Variants in STK10 observed in about 807,000 individuals in gnomAD.
The protein encoded by STK10 is serine/threonine-protein kinase 10.
A neutral mutation model predicts 113.8 loss-of-function variants in STK10; 78 were observed. That is an observed-to-expected ratio of 0.69 (90% CI 0.57 to 0.83). The LOEUF (loss-of-function observed/expected upper bound fraction) is 0.83. STK10 is among the 40% of genes least tolerant of loss of function. STK10 has a pLI of 0.00. For synonymous variants in STK10, 465 were observed against 494.7 expected (o/e 0.94, Z 0.80); for missense variants, 1,109 against 1,280.1 (o/e 0.87, Z 2.04).
chr5:172,111,488 G>A (rs1769236505), intron 4 of STK10, among the ~76,000 whole-genome samples: 1 of 152,210 alleles, frequency 6.6e-6, no homozygotes, highest in Admixed American at 6.5e-5. Flanking sequence ...ACACGATGGG[G>A]CCCAGATGGG....
intron 1 of STK10, among the ~76,000 whole-genome samples, chr5:172,159,108 C>T (rs974411086): frequency 1.3e-5 from 2 of 152,096 alleles, no homozygotes; most frequent in East Asian, 3.9e-4. Flanking sequence ...GCAATCCCAC[C>T]CCATTGCACA....
At chr5:172,112,281 C>A (rs1769252495) in intron 4 of STK10, among the ~76,000 whole-genome samples, 1 of 152,128 alleles carries the variant, frequency 6.6e-6, no homozygotes, top group African/African-American at 2.4e-5. Flanking sequence ...ATAATATATG[C>A]ATCTTGTGTG....
chr5:172,108,892 C>T (rs1374967708), intron 4 of STK10, among the ~76,000 whole-genome samples: 4 of 151,940 alleles, frequency 2.6e-5, no homozygotes, highest in African/African-American at 9.7e-5. Flanking sequence ...TCCAGCGATT[C>T]TTGTGCCTCA....
intron 12 of STK10, among the ~76,000 whole-genome samples, chr5:172,077,953 G>A (rs11956101): frequency 0.043 from 6,510 of 152,116 alleles, 499 homozygotes; most frequent in African/African-American, 0.15. Flanking sequence ...TGGAATGGCT[G>A]ATGCATCTGT....
At chr5:172,057,765 C>T (rs140970195) in intron 14 of STK10, among the ~76,000 whole-genome samples, 12 of 152,272 alleles carry the variant, frequency 7.9e-5, no homozygotes, top group Non-Finnish European at 1.2e-4. Context: ...CCAGCTCCAT[C>T]GGTGGGATTA....
intron 12 of STK10, among the ~76,000 whole-genome samples, chr5:172,072,519 C>T (rs1353490674): frequency 6.6e-6 from 1 of 152,216 alleles, no homozygotes; most frequent in Non-Finnish European, 1.5e-5. Flanking sequence ...CCGCCTGCCT[C>T]GGCCTCCCAA....
intron 2 of STK10, among the ~76,000 whole-genome samples, chr5:172,135,326 A>T (rs763799826): frequency 5.9e-5 from 9 of 152,088 alleles, no homozygotes; most frequent in Non-Finnish European, 8.8e-5. Context: ...AGCCTGGCCG[A>T]CATAGTGAAA....
At chr5:172,175,523 G>A (rs901204535) in intron 1 of STK10, among the ~76,000 whole-genome samples, 13 of 152,112 alleles carry the variant, frequency 8.5e-5, no homozygotes, top group African/African-American at 3.1e-4. Flanking sequence ...AGGGGCCCCA[G>A]GAGCACTCAG....
intron 2 of STK10, among the ~76,000 whole-genome samples, chr5:172,132,670 G>A (rs148314994): frequency 1.3e-5 from 2 of 152,204 alleles, no homozygotes; most frequent in African/African-American, 4.8e-5. Context: ...CTGAAGAACT[G>A]AGATTTGTGG....
intron 18 of STK10, among the ~76,000 whole-genome samples, chr5:172,050,759 C>T (rs921248067): frequency 1.3e-5 from 2 of 151,410 alleles, no homozygotes; most frequent in Non-Finnish European, 2.9e-5. Flanking sequence ...GTCACCCAGG[C>T]GGGAGTGCAG....
At position 172,093,528 on chromosome 5, in the gene STK10, G is replaced by A. The variant is rs34943493; in HGVS notation, c.1438C>T (p.Pro480Ser). The change falls in exon 9 of 19, where the codon CCT becomes TCT. Residue 480 changes from proline to serine, a missense_variant. This residue lies in a region of STK10 where 885 missense variants were observed against 991.1 expected (regional missense o/e 0.89). Transcript: ENST00000176763. This position sits in a 1 kb window ranked among gnomAD's most constrained non-coding sequence, Gnocchi z 4.1. ...LEPPAQAAPGPSKRDSDCSSL... is the reference protein window; with the variant it reads ...LEPPAQAAPGSSKRDSDCSSL... The stretch of plus-strand genomic sequence containing the variant: ...CTGCAGTCCGAGTCCCTCTTGGAAG[G>A]CCCTGGAGCTGCCTGGGCAGGTGGC... The A allele has an allele frequency of 3.7e-4, 597 of 1,614,096 alleles. No individual in the cohort carries two copies. The highest frequency in any genetic ancestry group is 2.7e-4 in the Admixed American group (16 of 60,010).
chr5:172,081,442 G>A (rs1188431222), intron 12 of STK10, among the ~76,000 whole-genome samples: 7 of 151,702 alleles, frequency 4.6e-5, no homozygotes, highest in Non-Finnish European at 1.0e-4. Flanking sequence ...GCACATCTGT[G>A]TACAGCATGG....
intron 1 of STK10, among the ~76,000 whole-genome samples, chr5:172,163,942 T>C (rs1253754207): frequency 6.6e-6 from 1 of 151,976 alleles, no homozygotes; most frequent in African/African-American, 2.4e-5. Flanking sequence ...CCAGGCGCGG[T>C]GGCTGACCCC....
At chr5:172,087,269 T>G (rs1050482358) in intron 10 of STK10, among the ~76,000 whole-genome samples, 1 of 150,104 alleles carries the variant, frequency 6.7e-6, no homozygotes, top group African/African-American at 2.5e-5. Flanking sequence ...ATTTATTTAT[T>G]TATTTATTTA....
intron 1 of STK10, among the ~76,000 whole-genome samples, chr5:172,175,929 G>A (rs933361493): frequency 1.3e-5 from 2 of 152,138 alleles, no homozygotes; most frequent in Non-Finnish European, 2.9e-5. Flanking sequence ...ATGGGGATAC[G>A]AGAAGAATAA....
At chr5:172,169,217 C>T (rs1770622835) in intron 1 of STK10, among the ~76,000 whole-genome samples, 1 of 152,198 alleles carries the variant, frequency 6.6e-6, no homozygotes. Flanking sequence ...TCGCAGACTG[C>T]CCTGTCCCCT....
chr5:172,134,510 G>T (rs1004629728), intron 2 of STK10, among the ~76,000 whole-genome samples: 2 of 152,054 alleles, frequency 1.3e-5, no homozygotes, highest in East Asian at 3.8e-4. Flanking sequence ...GTTAGTAAAA[G>T]ACCAGATGGA....
At chr5:172,138,924 G>A (rs927606396) in intron 2 of STK10, among the ~76,000 whole-genome samples, 1 of 152,166 alleles carries the variant, frequency 6.6e-6, no homozygotes, top group Non-Finnish European at 1.5e-5. Flanking sequence ...TGAGGCAGGA[G>A]AATGGTGTGA....
intron 1 of STK10, among the ~76,000 whole-genome samples, chr5:172,173,086 G>C (rs1770691791): frequency 6.6e-6 from 1 of 152,202 alleles, no homozygotes; most frequent in African/African-American, 2.4e-5. Context: ...AGCCAGACCA[G>C]AGGCCAGCAC....
Sources: gnomAD v4.1 joint callset for allele counts (sites outside exome capture counted in the v4.1 genomes callset) on GRCh38, gnomAD v4.1.1 for gene constraint, gnomAD v4.1.1 regional missense constraint, Gnocchi (gnomAD v3.1) non-coding constraint, MANE v1.5 for transcripts, NCBI Gene and HGNC (gene_info 2026-07-23, HGNC 2026-07-21) for gene names.